The following SMAD6 variants were observed in gnomAD, a reference collection of about 807,000 sequenced individuals.
SMAD6 encodes MAD homolog 6.
Under a neutral mutation model 39.4 loss-of-function variants are expected in SMAD6, and 103 were observed. That is an observed-to-expected ratio of 2.62 (90% CI 2.23 to 3.08). The LOEUF is 3.08. Ranked by LOEUF, SMAD6 falls within the 30% of genes most tolerant of loss-of-function variation. The pLI is 0.00. For missense variants in SMAD6, 1,104 were observed against 742.9 expected (o/e 1.49, Z -5.65); for synonymous variants, 445 against 353.3 (o/e 1.26, Z -2.91).
rs61441715 is a variant in SMAD6, at chr15:66,774,833, ATTTATTTTATTTTATTTTAT to A, written c.953-6140_953-6121del. 4.9e-4 allele frequency among the ~76,000 whole-genome samples: 72 copies of A among 146,190 alleles called. 1 individual carries two copies. The highest frequency in any genetic ancestry group is 1.6e-3 in the African/African-American group (64 of 39,636). On this transcript the variant is annotated intron_variant, in intron 3 of 3. Transcript: ENST00000288840. ...CTCCCCAGGGGTAACCACTATTCTG[ATTTATTTTATTTTATTTTAT>A]TTTATTTTATTTTATTTTATTTTTT... is the stretch of plus-strand genomic sequence containing the variant.
At chr15:66,726,205 C>T (rs1010954545) in intron 3 of SMAD6, among the ~76,000 whole-genome samples, 3 of 152,166 alleles carry the variant, frequency 2.0e-5, no homozygotes, top group Non-Finnish European at 4.4e-5. Flanking sequence ...TAGGCTGCTC[C>T]CTGAGGGCAG....
At chr15:66,718,923 A>G (rs1893381904) in intron 3 of SMAD6, among the ~76,000 whole-genome samples, 1 of 152,218 alleles carries the variant, frequency 6.6e-6, no homozygotes, top group Non-Finnish European at 1.5e-5. Context: ...GGTGAGGGGC[A>G]GAGGTGGGCA....
chr15:66,749,772 A>G (rs983273943), intron 3 of SMAD6, among the ~76,000 whole-genome samples: 1 of 151,930 alleles, frequency 6.6e-6, no homozygotes, highest in African/African-American at 2.4e-5. Flanking sequence ...GGGTCCAGGG[A>G]CTCTGTGATT....
chr15:66,728,981 A>T (rs1893573265), intron 3 of SMAD6, among the ~76,000 whole-genome samples: 1 of 152,216 alleles, frequency 6.6e-6, no homozygotes, highest in Non-Finnish European at 1.5e-5. Context: ...GCCTTATTAG[A>T]TACTGTGCCA....
intron 3 of SMAD6, among the ~76,000 whole-genome samples, chr15:66,779,351 AAAT>A (rs1894519427): frequency 6.6e-6 from 1 of 152,236 alleles, no homozygotes; most frequent in Non-Finnish European, 1.5e-5. Flanking sequence ...CTCTGAGGCA[AAAT>A]GATCCAAGCT....
chr15:66,757,619 G>A (rs1894125806), intron 3 of SMAD6, among the ~76,000 whole-genome samples: 1 of 152,194 alleles, frequency 6.6e-6, no homozygotes, highest in Non-Finnish European at 1.5e-5. Flanking sequence ...ACAGTCTCTT[G>A]GAGGTCCTGC....
chr15:66,714,180 C>T (rs1339543222), intron 2 of SMAD6, among the ~76,000 whole-genome samples: 1 of 152,164 alleles, frequency 6.6e-6, no homozygotes, highest in Non-Finnish European at 1.5e-5. Context: ...TGTCAGTTAG[C>T]CTGTGATAAA....
chr15:66,729,437 A>G (rs1443215596), intron 3 of SMAD6, among the ~76,000 whole-genome samples: 2 of 152,190 alleles, frequency 1.3e-5, no homozygotes, highest in Admixed American at 1.3e-4. Flanking sequence ...GTACCCCGGG[A>G]GCAGCCGGCC....
chr15:66,723,290 G>A (rs1033186171), intron 3 of SMAD6, among the ~76,000 whole-genome samples: 2 of 152,208 alleles, frequency 1.3e-5, no homozygotes, highest in African/African-American at 2.4e-5. Flanking sequence ...AGGTAACAGA[G>A]CTTTTAGACT....
At chr15:66,726,208 G>A (rs1252246332) in intron 3 of SMAD6, among the ~76,000 whole-genome samples, 1 of 152,202 alleles carries the variant, frequency 6.6e-6, no homozygotes, top group African/African-American at 2.4e-5. Context: ...GCTGCTCCCT[G>A]AGGGCAGATG....
chr15:66,780,924 C>G, intron 3 of SMAD6, 73 bp from the exon 4 acceptor site: 11 of 1,423,718 alleles, frequency 7.7e-6, no homozygotes, highest in Non-Finnish European at 1.0e-5. Context: ...GACAGCAGTG[C>G]CCACCTCCGC....
intron 3 of SMAD6, among the ~76,000 whole-genome samples, chr15:66,774,698 G>A (rs1894435667): frequency 6.6e-6 from 1 of 152,080 alleles, no homozygotes. Context: ...AGTATCCAGG[G>A]TGTGGCTTTT....
intron 1 of SMAD6, chr15:66,706,307 C>T (rs1385394285): frequency 6.6e-6 from 1 of 152,206 alleles, no homozygotes; most frequent in Admixed American, 6.5e-5. Context: ...GACTTGATTC[C>T]CCTCCTTCTC....
intron 3 of SMAD6, among the ~76,000 whole-genome samples, chr15:66,776,939 A>G (rs1409398553): frequency 1.3e-5 from 2 of 152,088 alleles, no homozygotes; most frequent in African/African-American, 2.4e-5. Context: ...TGGGAAGCTG[A>G]GGAGGGAGAA....
At chr15:66,728,999 T>C (rs1216387681) in intron 3 of SMAD6, among the ~76,000 whole-genome samples, 1 of 152,228 alleles carries the variant, frequency 6.6e-6, no homozygotes, top group East Asian at 1.9e-4. Context: ...CCAGACTGTT[T>C]TCCAAGACCA....
intron 3 of SMAD6, among the ~76,000 whole-genome samples, chr15:66,777,102 T>C (rs1045158090): frequency 6.6e-6 from 1 of 152,054 alleles, no homozygotes; most frequent in Non-Finnish European, 1.5e-5. Flanking sequence ...TAAAAACATG[T>C]GTTGGTTTGT....
At chr15:66,742,556 T>C (rs1192147981) in intron 3 of SMAD6, among the ~76,000 whole-genome samples, 2 of 152,096 alleles carry the variant, frequency 1.3e-5, no homozygotes, top group African/African-American at 4.8e-5. Flanking sequence ...GCAGCCTCAA[T>C]GTTTGTGGTC....
At chr15:66,771,813 G>C (rs992757072) in intron 3 of SMAD6, among the ~76,000 whole-genome samples, 2 of 152,282 alleles carry the variant, frequency 1.3e-5, no homozygotes, top group Middle Eastern at 3.4e-3. Flanking sequence ...CCTTTCCCAA[G>C]ATCAATTATT....
chr15:66,766,763 GA>G (rs1894295641), intron 3 of SMAD6, among the ~76,000 whole-genome samples: 1 of 152,148 alleles, frequency 6.6e-6, no homozygotes, highest in Non-Finnish European at 1.5e-5. Flanking sequence ...TCCGGAGGGG[GA>G]AACAGTTCTA....
Sources: allele counts gnomAD v4.1 joint callset (sites outside exome capture counted in the v4.1 genomes callset), GRCh38; gene constraint gnomAD v4.1.1; transcripts MANE v1.5; gene names NCBI Gene and HGNC (gene_info 2026-07-23, HGNC 2026-07-21).